Variants in OSBPL10 observed in about 807,000 individuals in gnomAD.
OSBPL10 encodes the protein oxysterol-binding protein-related protein 10.
In OSBPL10, 49 loss-of-function variants were observed where a neutral mutation model predicts 81.7. That is an observed-to-expected ratio of 0.60 (90% CI 0.48 to 0.76). The LOEUF (loss-of-function observed/expected upper bound fraction) is 0.76, where lower values mean the gene tolerates loss of function less well. Among genes scored for constraint, OSBPL10 ranks in the 30% least tolerant of loss-of-function variants. The pLI is 0.00. For missense variants in OSBPL10, 923 were observed against 987.8 expected, an observed-to-expected ratio of 0.93 and a Z score of 0.88; for synonymous variants, 419 against 383.6, an observed-to-expected ratio of 1.09 and a Z score of -1.08.
chr3:31,971,622 G>T (rs1365095196), intron 1 of OSBPL10, among the ~76,000 whole-genome samples: 1 of 152,200 alleles, frequency 6.6e-6, no homozygotes, highest in Non-Finnish European at 1.5e-5. Flanking sequence ...TTAAAAACAG[G>T]CTACTGGACC....
chr3:32,051,762 C>A (rs72858429), intron 1 of OSBPL10, among the ~76,000 whole-genome samples: 5,722 of 152,254 alleles, frequency 0.038, 295 homozygotes, highest in African/African-American at 0.11. Context: ...AATCCTACAA[C>A]TACTAGATCT....
chr3:31,769,461 A>C (rs1035004084), intron 4 of OSBPL10, among the ~76,000 whole-genome samples: 134 of 76,502 alleles, frequency 1.8e-3, no homozygotes, highest in East Asian at 4.3e-3. Flanking sequence ...AAAAAAAACA[A>C]AAAAAAAACA....
At chr3:31,791,391 T>C (rs1195989427) in intron 4 of OSBPL10, among the ~76,000 whole-genome samples, 3 of 152,322 alleles carry the variant, frequency 2.0e-5, no homozygotes, top group East Asian at 3.9e-4. Flanking sequence ...TTGAAGTCTG[T>C]GGACAGAGTT....
At chr3:31,962,847 C>A (rs918152537) in intron 1 of OSBPL10, among the ~76,000 whole-genome samples, 12 of 152,218 alleles carry the variant, frequency 7.9e-5, no homozygotes, top group African/African-American at 2.9e-4. Flanking sequence ...ATTCACTAAA[C>A]AAATATTGAG....
At chr3:31,780,455 A>T (rs1698662740) in intron 4 of OSBPL10, among the ~76,000 whole-genome samples, 1 of 152,100 alleles carries the variant, frequency 6.6e-6, no homozygotes, top group Admixed American at 6.5e-5. Context: ...CCAGCAGAAG[A>T]AATAAAAAAG....
intron 6 of OSBPL10, among the ~76,000 whole-genome samples, chr3:31,719,820 G>C (rs1696577513): frequency 6.6e-6 from 1 of 151,890 alleles, no homozygotes; most frequent in Non-Finnish European, 1.5e-5. Context: ...GCCACTCCTA[G>C]GGTCCAGTTA....
In OSBPL10 at chr3:31,668,770, A is replaced by G; in HGVS notation, c.1968T>C (p.His656=). The change falls in exon 10 of 12, where the codon CAT becomes CAC. Residue 656 remains histidine, a synonymous_variant. Coordinates refer to ENST00000396556, the MANE Select transcript of OSBPL10 (RefSeq NM_017784.5). ...ACTCTAAAGTACCATTCCATTCCCCATGGGCTTTACAAACAATGGTGTTGG... is the reference window on the plus strand; with the variant it reads ...ACTCTAAAGTACCATTCCATTCCCCGTGGGCTTTACAAACAATGGTGTTGG... The part of the protein sequence containing the change: ...NPTNTIVCKA[H]GEWNGTLEFT... The G allele has an allele frequency of 6.2e-7, 1 of 1,613,958 alleles. No individual in the cohort carries two copies. Among genetic ancestry groups the G allele is most frequent in the Non-Finnish European group, 8.5e-7 (1 of 1,179,894 alleles).
At chr3:31,973,646 C>T (rs934113615) in intron 1 of OSBPL10, among the ~76,000 whole-genome samples, 5 of 152,212 alleles carry the variant, frequency 3.3e-5, no homozygotes, top group Non-Finnish European at 5.9e-5. Flanking sequence ...CAATGCCATG[C>T]ACATGAGGAA....
intron 3 of OSBPL10, among the ~76,000 whole-genome samples, chr3:31,846,315 A>G (rs551507976): frequency 6.6e-6 from 1 of 152,314 alleles, no homozygotes; most frequent in Non-Finnish European, 1.5e-5. Context: ...ATCTGACCAG[A>G]AATGGCAATT....
At chr3:31,964,173 T>C (rs780774504) in intron 1 of OSBPL10, among the ~76,000 whole-genome samples, 7 of 152,038 alleles carry the variant, frequency 4.6e-5, no homozygotes, top group Admixed American at 6.6e-5. Flanking sequence ...TGTTCATTGT[T>C]TGATACAGGG....
At chr3:31,733,534 G>A (rs1467208608) in intron 5 of OSBPL10, 123 bp from the exon 6 acceptor site, 1 of 1,173,116 alleles carries the variant, frequency 8.5e-7, no homozygotes, top group South Asian at 1.3e-5. Flanking sequence ...AAACACAGAG[G>A]GCTTGTTTTG....
chr3:31,924,268 T>C (rs1358089837), intron 1 of OSBPL10, among the ~76,000 whole-genome samples: 1 of 151,888 alleles, frequency 6.6e-6, no homozygotes, highest in Non-Finnish European at 1.5e-5. Flanking sequence ...ATTTGTCTCT[T>C]ACGGCATTGA....
intron 4 of OSBPL10, among the ~76,000 whole-genome samples, chr3:31,760,909 T>C (rs1225643245): frequency 3.3e-5 from 5 of 152,210 alleles, no homozygotes; most frequent in Admixed American, 6.5e-5. Flanking sequence ...TCTCTGTATC[T>C]AAATCTTAGC....
chr3:32,024,676 G>C (rs916956714), intron 2 of OSBPL10, among the ~76,000 whole-genome samples: 1 of 151,700 alleles, frequency 6.6e-6, no homozygotes, highest in African/African-American at 2.4e-5. Flanking sequence ...GTAGAGACAG[G>C]GTTTTACCAT....
chr3:31,767,289 G>A (rs1042619629), intron 4 of OSBPL10, among the ~76,000 whole-genome samples: 1 of 152,152 alleles, frequency 6.6e-6, no homozygotes, highest in Non-Finnish European at 1.5e-5. Context: ...CCATCACTAA[G>A]CCAGTGAGAA....
In OSBPL10 at chr3:32,028,926, G is replaced by GAACACACACACACA. The variant is rs201594298; in HGVS notation, n.298+17564_298+17565insTGTGTGTGTGTGTT. 4.0e-4 allele frequency among the ~76,000 whole-genome samples: 27 copies of GAACACACACACACA among 67,270 alleles called. 1 individual carries two copies. Among genetic ancestry groups the GAACACACACACACA allele is most frequent in the South Asian group, 1.8e-3 (3 of 1,714 alleles). The allele number at this position is 67,270 out of a possible 152,430, so 44.1% of individuals were successfully genotyped here. A position where few individuals can be genotyped will look rare whatever the true frequency, so the allele number is the denominator to read the frequency against. Reference sequence around the variant, plus strand: ...TATTGTTACAGTAGGTAGCTAGTCAGGACACACACACACACACACACACAC... The same window carrying GAACACACACACACA: ...TATTGTTACAGTAGGTAGCTAGTCAGAACACACACACACAGACACACACACACACACACACACAC... On this transcript the variant is annotated intron_variant and non_coding_transcript_variant, in intron 2 of 3. Coordinates refer to the OSBPL10 transcript ENST00000479173.
intron 7 of OSBPL10, among the ~76,000 whole-genome samples, chr3:31,691,896 A>C (rs768007914): frequency 8.5e-5 from 13 of 152,226 alleles, no homozygotes; most frequent in Non-Finnish European, 1.8e-4. Flanking sequence ...ATACACAAAA[A>C]TCCAATTTTA....
intron 10 of OSBPL10, among the ~76,000 whole-genome samples, chr3:31,667,707 G>A (rs996096598): frequency 1.3e-5 from 2 of 152,212 alleles, no homozygotes; most frequent in African/African-American, 4.8e-5. Context: ...GGTCTTGGTT[G>A]CAACTACCTA....
At chr3:31,717,160 C>T (rs879869635) in intron 6 of OSBPL10, 8 of 152,198 alleles carry the variant, frequency 5.3e-5, no homozygotes, top group Non-Finnish European at 1.2e-4. Context: ...CTCCAGGCCA[C>T]GCAGAAGGTA....
Sources: allele counts gnomAD v4.1 joint callset (sites outside exome capture counted in the v4.1 genomes callset), GRCh38; gene constraint gnomAD v4.1.1; transcripts MANE v1.5; gene names NCBI Gene and HGNC (gene_info 2026-07-23, HGNC 2026-07-21).